DAOA: variants seen among roughly 807,000 people sequenced by gnomAD.
DAOA encodes D-amino acid oxidase activator, also known as D-amino acid oxidase regulator.
DAOA carries 15 observed loss-of-function variants against 16.4 expected under a neutral mutation model. The ratio of observed to expected loss-of-function variants is 0.91; its 90% confidence interval spans 0.61 to 1.41. The LOEUF is 1.41. Ranked by LOEUF, DAOA falls within the 40% of genes most tolerant of loss-of-function variation. The pLI is 0.00. For missense variants in DAOA, 230 were observed against 176.8 expected (o/e 1.30, Z -1.71); for synonymous variants, 75 against 59.1 (o/e 1.27, Z -1.23).
rs1259089507 is a variant in DAOA, at chr13:105,466,297, A to G, written c.9A>G (p.Glu3=). ...AGCTGGGAGGACCCAAAATGCTGGA[A>G]AAGCTGATGGGTGCTGATTCTCTCC... The part of the protein sequence containing the change: ML[E]KLMGADSLQL... The change falls in exon 2 of 6, where the codon GAA becomes GAG. Residue 3 remains glutamate (E), a synonymous_variant. Coordinates refer to ENST00000375936, the MANE Select transcript of DAOA (RefSeq NM_172370.5). The G allele has an allele frequency of 6.2e-7, 1 of 1,614,060 alleles. No individual in the cohort carries two copies. Among genetic ancestry groups the G allele is most frequent in the Non-Finnish European group, 8.5e-7 (1 of 1,179,952 alleles).
chr13:105,471,971 C>T (rs1437595372), intron 3 of DAOA, among the ~76,000 whole-genome samples: 4 of 152,124 alleles, frequency 2.6e-5, no homozygotes, highest in African/African-American at 9.7e-5. Flanking sequence ...TCTTTCCACG[C>T]CAAAGTAAGA....
At chr13:105,480,075 T>C (rs1325927594) in intron 4 of DAOA, among the ~76,000 whole-genome samples, 1 of 152,188 alleles carries the variant, frequency 6.6e-6, no homozygotes, top group East Asian at 1.9e-4. Flanking sequence ...CATTTTTCAA[T>C]GACAAAATAT....
chr13:105,470,884 G>A (rs1385692155), intron 3 of DAOA, among the ~76,000 whole-genome samples: 5 of 151,974 alleles, frequency 3.3e-5, no homozygotes, highest in East Asian at 1.9e-4. Flanking sequence ...TCCGCCTCCC[G>A]GGTTCATGCC....
At chr13:105,484,612 G>T (rs1877983333) in intron 4 of DAOA, among the ~76,000 whole-genome samples, 1 of 151,858 alleles carries the variant, frequency 6.6e-6, no homozygotes. Context: ...ATTACATATT[G>T]TTCTTTGCTC....
chr13:105,477,408 AG>A (rs1877412275), intron 4 of DAOA, among the ~76,000 whole-genome samples: 1 of 152,240 alleles, frequency 6.6e-6, no homozygotes, highest in Non-Finnish European at 1.5e-5. Context: ...CACAAATGCC[AG>A]TCACATAAAA....
At chr13:105,476,878 T>C (rs1393338951) in intron 4 of DAOA, among the ~76,000 whole-genome samples, 7 of 152,038 alleles carry the variant, frequency 4.6e-5, no homozygotes, top group Non-Finnish European at 1.0e-4. Flanking sequence ...ACAGAGCCCC[T>C]GTATTCCCAA....
intron 4 of DAOA, among the ~76,000 whole-genome samples, chr13:105,483,082 A>G (rs1877863969): frequency 6.6e-6 from 1 of 151,670 alleles, no homozygotes; most frequent in South Asian, 2.1e-4. Context: ...CAAATAAGTA[A>G]TTTTTTTCAT....
At chr13:105,488,087 T>C (rs1878255724) in intron 4 of DAOA, among the ~76,000 whole-genome samples, 2 of 152,168 alleles carry the variant, frequency 1.3e-5, no homozygotes, top group South Asian at 2.1e-4. Context: ...CAGCTGTATT[T>C]TGGGAAGCTA....
chr13:105,490,623 T>C (rs571609918), intron 5 of DAOA: 1 of 152,328 alleles, frequency 6.6e-6, no homozygotes, highest in South Asian at 2.1e-4. Context: ...ACTATAGTTT[T>C]AGGGAGAATA....
intron 4 of DAOA, among the ~76,000 whole-genome samples, chr13:105,475,568 A>G (rs1034282165): frequency 6.6e-6 from 1 of 152,184 alleles, no homozygotes; most frequent in East Asian, 1.9e-4. Context: ...ACTGTGTTTG[A>G]TACATTTGAG....
At chr13:105,470,255 G>A (rs1167762869) in intron 3 of DAOA, among the ~76,000 whole-genome samples, 1 of 151,818 alleles carries the variant, frequency 6.6e-6, no homozygotes, top group Non-Finnish European at 1.5e-5. Flanking sequence ...TCTTTGTTAT[G>A]TATTAAGCAC....
chr13:105,480,533 TA>T (rs1877653514), intron 4 of DAOA, among the ~76,000 whole-genome samples: 2 of 123,114 alleles, frequency 1.6e-5, no homozygotes, highest in East Asian at 2.3e-4. Context: ...GATACATAGA[TA>T]GATAGATAGA....
rs137932913 is a variant in DAOA at position 105,478,049 on chromosome 13, A to T, written c.281+5364A>T. ...TTAACACTCTGTAATGATAGTTAATACTATGAAATATATTTGGTTTCTTGG... is the reference window on the plus strand; with the variant it reads ...TTAACACTCTGTAATGATAGTTAATTCTATGAAATATATTTGGTTTCTTGG... On this transcript the variant is annotated intron_variant, in intron 4 of 5. Coordinates refer to ENST00000375936, the MANE Select transcript of DAOA (RefSeq NM_172370.5). 1.3e-3 allele frequency among the ~76,000 whole-genome samples: 193 copies of T among 152,344 alleles called. 5 individuals are homozygous for T. In the East Asian group the frequency reaches 0.022, roughly 17 times the overall value.
intron 3 of DAOA, 129 bp downstream of exon 3, chr13:105,467,270 G>T: frequency 9.4e-7 from 1 of 1,059,230 alleles, no homozygotes. Context: ...GTAAGATACA[G>T]GAAGAAAATT....
intron 4 of DAOA, among the ~76,000 whole-genome samples, chr13:105,485,653 T>G (rs994908966): frequency 6.6e-6 from 1 of 152,078 alleles, no homozygotes; most frequent in African/African-American, 2.4e-5. Context: ...TAAAATGAGG[T>G]CATTAGAGTG....
chr13:105,480,452 G>T (rs1877637761), intron 4 of DAOA, among the ~76,000 whole-genome samples: 1 of 151,402 alleles, frequency 6.6e-6, no homozygotes, highest in Non-Finnish European at 1.5e-5. Flanking sequence ...CTGTATTAGG[G>T]TTCTCCAGAC....
rs957214787 is a variant in DAOA at position 105,490,968 on chromosome 13, T to C, written c.*168T>C. Reference sequence around the variant, plus strand: ...AGTAAGTGATAAAATGCCATTTCTATGCACCCACCTGGCCTGTGTGACTGG... The same window carrying C: ...AGTAAGTGATAAAATGCCATTTCTACGCACCCACCTGGCCTGTGTGACTGG... On this transcript the variant is annotated 3_prime_UTR_variant, in exon 6 of 6. Transcript: ENST00000375936. 1.3e-5 allele frequency: 2 copies of C among 152,160 alleles called. No homozygotes were observed. The highest frequency in any genetic ancestry group is 4.8e-5 in the African/African-American group (2 of 41,448). The allele number at this position is 152,160 out of a possible 1,614,324, so 9.4% of individuals were successfully genotyped here.
intron 3 of DAOA, among the ~76,000 whole-genome samples, chr13:105,471,614 T>A (rs1011097349): frequency 6.6e-6 from 1 of 152,222 alleles, no homozygotes; most frequent in African/African-American, 2.4e-5. Flanking sequence ...CTCATACAGA[T>A]GTATCATGAA....
chr13:105,466,491 C>T, intron 2 of DAOA, 159 bp downstream of exon 2: 3 of 1,213,980 alleles, frequency 2.5e-6, no homozygotes, highest in Non-Finnish European at 3.4e-6. Flanking sequence ...CTTACTTTCT[C>T]CCATATTCTG....
Sources: allele counts gnomAD v4.1 joint callset (sites outside exome capture counted in the v4.1 genomes callset), GRCh38; gene constraint gnomAD v4.1.1; transcripts MANE v1.5; gene names NCBI Gene and HGNC (gene_info 2026-07-23, HGNC 2026-07-21).